S100Z: variants seen among roughly 807,000 people sequenced by gnomAD.
The protein encoded by S100Z is S100 calcium binding protein Z, also known as protein S100-Z.
Under a neutral mutation model 8.5 loss-of-function variants are expected in S100Z, and 11 were observed. The ratio of observed to expected loss-of-function variants is 1.30; its 90% CI spans 0.82 to 2.15. The LOEUF is 2.15. S100Z is among the 30% of genes most tolerant of loss of function. The pLI is 0.00. For missense variants in S100Z, 126 were observed against 117.9 expected, an observed-to-expected ratio of 1.07 and a Z score of -0.32; for synonymous variants, 34 against 43.8, an observed-to-expected ratio of 0.78 and a Z score of 0.89.
At chr5:76,884,032 A>G (rs1053762883) in intron 4 of S100Z, among the ~76,000 whole-genome samples, 3 of 152,188 alleles carry the variant, frequency 2.0e-5, no homozygotes, top group Admixed American at 6.5e-5. Context: ...AGCGAGGTTA[A>G]TTAAGTCCTG....
chr5:76,875,584 C>G, intron 3 of S100Z, 84 bp downstream of exon 3: 1 of 1,252,520 alleles, frequency 8.0e-7, no homozygotes, highest in Non-Finnish European at 1.1e-6. Context: ...TTCATACTGT[C>G]CTGTGATTCT....
chr5:76,863,056 A>G (rs1219620936), intron 1 of S100Z, among the ~76,000 whole-genome samples: 1 of 152,244 alleles, frequency 6.6e-6, no homozygotes, highest in Non-Finnish European at 1.5e-5. Context: ...TCTGGTAACA[A>G]TAGGCAACAC....
chr5:76,924,849 A>C (rs1745109017), downstream of S100Z, among the ~76,000 whole-genome samples: 1 of 151,614 alleles, frequency 6.6e-6, no homozygotes, highest in South Asian at 2.1e-4. Flanking sequence ...GGAGGTGGAG[A>C]TTGCGGTGAG....
intron 4 of S100Z, among the ~76,000 whole-genome samples, chr5:76,896,888 GT>G: frequency 6.6e-6 from 1 of 151,776 alleles, no homozygotes; most frequent in Non-Finnish European, 1.5e-5. Context: ...GGATTATTAG[GT>G]TTTTTTTCCT....
the S100Z span, among the ~76,000 whole-genome samples, chr5:76,949,321 A>G: frequency 0.078 from 11,921 of 152,124 alleles, 760 homozygotes; most frequent in African/African-American, 0.18. Context: ...CCCAGGAGGC[A>G]GAGCTTGCAG....
At chr5:76,927,247 A>T in the S100Z span, among the ~76,000 whole-genome samples, 23 of 152,212 alleles carry the variant, frequency 1.5e-4, no homozygotes, top group East Asian at 4.3e-3. Context: ...CAATTGCCTC[A>T]CACTGACCTA....
chr5:76,938,828 C>T, the S100Z span, among the ~76,000 whole-genome samples: 9 of 152,078 alleles, frequency 5.9e-5, no homozygotes, highest in Non-Finnish European at 1.2e-4. Flanking sequence ...TGTTTTTAAA[C>T]TAATAGAATG....
intron 4 of S100Z, among the ~76,000 whole-genome samples, chr5:76,903,887 G>T (rs1221085518): frequency 3.3e-5 from 5 of 151,256 alleles, no homozygotes; most frequent in African/African-American, 1.2e-4. Context: ...ACCACGCCTG[G>T]CTATTTTTTT....
chr5:76,936,206 G>A, the S100Z span, among the ~76,000 whole-genome samples: 2,744 of 152,058 alleles, frequency 0.018, 81 homozygotes, highest in African/African-American at 0.062. Flanking sequence ...AAAATGCTGT[G>A]TGCCCATTTA....
chr5:76,937,982 C>T, the S100Z span, among the ~76,000 whole-genome samples: 1 of 151,838 alleles, frequency 6.6e-6, no homozygotes, highest in Admixed American at 6.6e-5. Context: ...GCCTGTAATT[C>T]CAGCTACTCA....
downstream of S100Z, among the ~76,000 whole-genome samples, chr5:76,921,819 C>A (rs574578537): frequency 9.9e-4 from 150 of 152,212 alleles, no homozygotes; most frequent in Non-Finnish European, 1.8e-3. Flanking sequence ...GAAACCCCAA[C>A]TCTACTAAAA....
chr5:76,921,912 T>C (rs563011890), downstream of S100Z, among the ~76,000 whole-genome samples: 2 of 150,360 alleles, frequency 1.3e-5, no homozygotes, highest in Admixed American at 1.3e-4. Flanking sequence ...TTGTTTGAAC[T>C]CAGGAGGCAG....
At chr5:76,925,104 G>T (rs571868442), downstream of S100Z, among the ~76,000 whole-genome samples, 27 of 152,164 alleles carry the variant, frequency 1.8e-4, no homozygotes, top group Middle Eastern at 6.8e-3. Flanking sequence ...TTGCCACAAG[G>T]TCCGATCCCT....
At chr5:76,930,399 TC>T in the S100Z span, among the ~76,000 whole-genome samples, 1 of 152,018 alleles carries the variant, frequency 6.6e-6, no homozygotes, top group Non-Finnish European at 1.5e-5. Flanking sequence ...ACACCCAAGG[TC>T]CCTAGGAACA....
chr5:76,877,607 A>G (rs1743242682), intron 3 of S100Z, 67 bp from the exon 4 acceptor site: 8 of 908,284 alleles, frequency 8.8e-6, no homozygotes, highest in Non-Finnish European at 1.4e-5. Context: ...AATAAAAGGA[A>G]GATGAATTTC....
chr5:76,940,537 T>C, the S100Z span, among the ~76,000 whole-genome samples: 4 of 152,040 alleles, frequency 2.6e-5, no homozygotes. Flanking sequence ...CTCAGCCTCC[T>C]GAGTAGCTGG....
chr5:76,859,780 A>AAAAAG (rs1554035586), intron 1 of S100Z, among the ~76,000 whole-genome samples: 2 of 150,970 alleles, frequency 1.3e-5, no homozygotes, highest in Middle Eastern at 6.9e-3. Context: ...AAAAAAAAAA[A>AAAAAG]AAAAAGAAAT....
At chr5:76,952,348 T>C in the S100Z span, among the ~76,000 whole-genome samples, 1 of 152,216 alleles carries the variant, frequency 6.6e-6, no homozygotes, top group Non-Finnish European at 1.5e-5. Flanking sequence ...AGTGTGTACA[T>C]CATGTAAACA....
the S100Z span, chr5:76,948,792 T>A: frequency 6.6e-6 from 1 of 151,766 alleles, no homozygotes; most frequent in Admixed American, 6.6e-5. Context: ...AATAGAGGAG[T>A]ATTGTATGAA....
Sources: allele counts gnomAD v4.1 joint callset (sites outside exome capture counted in the v4.1 genomes callset), GRCh38; gene constraint gnomAD v4.1.1; transcripts MANE v1.5; gene names NCBI Gene and HGNC (gene_info 2026-07-23, HGNC 2026-07-21).